Variants in RGS6 observed in about 807,000 individuals in gnomAD.
RGS6 encodes regulator of G protein signaling 6, also known as regulator of G-protein signaling 6.
In RGS6, 30 loss-of-function variants were observed where a neutral mutation model predicts 78.5. The observed-to-expected ratio is 0.38, with a 90% confidence interval of 0.29 to 0.52. RGS6 has a LOEUF of 0.52. RGS6 is among the 20% of genes least tolerant of loss of function. The pLI, the probability that RGS6 is intolerant of heterozygous loss-of-function variation, is 0.85. For missense variants in RGS6, 495 were observed against 609.7 expected, an observed-to-expected ratio of 0.81 and a Z score of 1.98; for synonymous variants, 206 against 206.0, an observed-to-expected ratio of 1.00 and a Z score of 0.00.
At chr14:72,444,129 T>C (rs548712090) in intron 3 of RGS6, among the ~76,000 whole-genome samples, 2 of 152,278 alleles carry the variant, frequency 1.3e-5, no homozygotes, top group African/African-American at 4.8e-5. Context: ...GACAATTAGA[T>C]ATAAGACTTG....
chr14:72,325,652 A>G lies in RGS6; in HGVS notation c.85-26443A>G, dbSNP rs187122064. Among the ~76,000 whole-genome samples, 67 of 152,176 alleles carry G rather than the reference A, an allele frequency of 4.4e-4. No individual in the cohort carries two copies. The East Asian group carries it at 9.8e-3, about 22-fold the overall frequency. ...TTATTTTTGTCAGTTTTGACAAAGG[A>G]CTATTCTTCTTAACATGTTAAAAAT... On this transcript the variant is annotated intron_variant, in intron 2 of 17. Coordinates refer to ENST00000553525, the MANE Select transcript of RGS6 (RefSeq NM_001204424.2).
intron 17 of RGS6, among the ~76,000 whole-genome samples, chr14:72,558,994 C>G (rs1226799411): frequency 6.6e-6 from 1 of 152,200 alleles, no homozygotes; most frequent in Non-Finnish European, 1.5e-5. Context: ...CCATTCCCAA[C>G]TGACCAACAC....
At chr14:72,286,798 C>T (rs1009961969) in intron 2 of RGS6, among the ~76,000 whole-genome samples, 2 of 151,936 alleles carry the variant, frequency 1.3e-5, no homozygotes, top group Non-Finnish European at 2.9e-5. Context: ...CTCCCCTCCC[C>T]TTCCCTCCCT....
chr14:72,339,041 T>A (rs1300947650), intron 2 of RGS6, among the ~76,000 whole-genome samples: 1 of 152,202 alleles, frequency 6.6e-6, no homozygotes, highest in African/African-American at 2.4e-5. Context: ...AAGTAGTTCA[T>A]GGATATTAGA....
chr14:72,084,586 A>G (rs2094950148), intron 2 of RGS6, among the ~76,000 whole-genome samples: 1 of 152,246 alleles, frequency 6.6e-6, no homozygotes, highest in South Asian at 2.1e-4. Context: ...GATAAAAAAT[A>G]GATCCCTTTC....
At chr14:72,547,893 A>C (rs1329469975) in intron 17 of RGS6, among the ~76,000 whole-genome samples, 3 of 152,196 alleles carry the variant, frequency 2.0e-5, no homozygotes, top group Non-Finnish European at 2.9e-5. Flanking sequence ...GGTCTGGCTT[A>C]CTGTTAAGAA....
chr14:72,260,428 T>C (rs916228013), intron 2 of RGS6, among the ~76,000 whole-genome samples: 1 of 151,998 alleles, frequency 6.6e-6, no homozygotes, highest in South Asian at 2.1e-4. Context: ...GGATATAGAG[T>C]GTTTAATAAA....
Position 71,935,187 on chromosome 14 carries a change from C to T in RGS6, c.-21+2246C>T, listed in dbSNP as rs113666284. ...GAAATAGAATTACAAAATCAACTTT[C>T]GTGTTGAGTGATATGGATATAATAT... On this transcript the variant is annotated intron_variant, in intron 1 of 17. Coordinates refer to ENST00000553525, the MANE Select transcript of RGS6 (RefSeq NM_001204424.2). Among the ~76,000 whole-genome samples, 359 of 152,220 alleles carry T rather than the reference C, an allele frequency of 2.4e-3. 4 individuals carry two copies. Among genetic ancestry groups the T allele is most frequent in the African/African-American group, 8.0e-3 (334 of 41,530 alleles).
chr14:72,257,562 G>T (rs2057330175), intron 2 of RGS6, among the ~76,000 whole-genome samples: 1 of 152,154 alleles, frequency 6.6e-6, no homozygotes, highest in South Asian at 2.1e-4. Context: ...CTATTTATGT[G>T]ATGTGTTCAC....
chr14:72,459,613 C>T lies in RGS6; in HGVS notation c.343-19C>T, dbSNP rs1374098166. ...GGCATGGCGCGCCCCTGAGCACTAA[C>T]ACCCATGCTCCTTTGCAGGCTCCGT... On this transcript the variant is annotated intron_variant, in intron 5 of 17. Coordinates refer to ENST00000553525, the MANE Select transcript of RGS6 (RefSeq NM_001204424.2). 3 of 1,613,844 alleles carry T rather than the reference C, an allele frequency of 1.9e-6. No individual in the cohort carries two copies. The highest frequency in any genetic ancestry group is 8.5e-7 in the Non-Finnish European group (1 of 1,179,872).
chr14:72,344,814 A>G lies in RGS6; in HGVS notation c.85-7281A>G, dbSNP rs542320305. Among the ~76,000 whole-genome samples the G allele has an allele frequency of 2.0e-5, 3 of 152,266 alleles. No homozygotes were observed. In the South Asian group the frequency reaches 6.2e-4, roughly 32 times the overall value. On this transcript the variant is annotated intron_variant, in intron 2 of 17. Transcript: ENST00000553525. ...GGACAGATTTTAGGTAGGGGAGTTA[A>G]ATGGTCATATTTTCCCTTTTAAGAG...
At chr14:72,342,286 C>T (rs2152684977) in intron 2 of RGS6, among the ~76,000 whole-genome samples, 1 of 152,214 alleles carries the variant, frequency 6.6e-6, no homozygotes, top group African/African-American at 2.4e-5. Context: ...CTCCCAGAGG[C>T]CAGGTGTGGT....
intron 13 of RGS6, among the ~76,000 whole-genome samples, chr14:72,509,297 A>G (rs1338199147): frequency 6.6e-6 from 1 of 150,920 alleles, no homozygotes; most frequent in Admixed American, 6.6e-5. Flanking sequence ...CCCGGCGGGC[A>G]GAGGTTGCAG....
chr14:72,440,354 C>A (rs936316766), intron 3 of RGS6, among the ~76,000 whole-genome samples: 1 of 151,898 alleles, frequency 6.6e-6, no homozygotes, highest in African/African-American at 2.4e-5. Flanking sequence ...AAGATTATTT[C>A]TAGCAAATGG....
intron 2 of RGS6, among the ~76,000 whole-genome samples, chr14:72,116,375 C>G (rs1043788847): frequency 6.6e-6 from 1 of 152,062 alleles, no homozygotes; most frequent in East Asian, 1.9e-4. Context: ...ACATTGTTTT[C>G]CAGGTTTTCT....
chr14:72,460,961 G>T (rs2095762696), intron 6 of RGS6, among the ~76,000 whole-genome samples: 1 of 152,058 alleles, frequency 6.6e-6, no homozygotes, highest in African/African-American at 2.4e-5. Flanking sequence ...CCATGGTCAA[G>T]TGTGGAGGAC....
intron 8 of RGS6, among the ~76,000 whole-genome samples, 170 bp from the exon 9 acceptor site, chr14:72,472,702 G>A (rs1157618603): frequency 2.6e-5 from 4 of 152,094 alleles, no homozygotes; most frequent in Non-Finnish European, 4.4e-5. Flanking sequence ...TTTTCGGGGG[G>A]GGAATTATAC....
chr14:71,921,828 A>T, the RGS6 span, among the ~76,000 whole-genome samples: 1 of 152,204 alleles, frequency 6.6e-6, no homozygotes. Flanking sequence ...AGGGACTACA[A>T]AAGCGATTTT....
At chr14:72,017,715 A>T (rs2087359763) in intron 2 of RGS6, among the ~76,000 whole-genome samples, 2 of 152,070 alleles carry the variant, frequency 1.3e-5, no homozygotes, top group African/African-American at 4.8e-5. Flanking sequence ...ACCAAGAATA[A>T]GTGCTGCTTC....
Sources: allele counts gnomAD v4.1 joint callset (sites outside exome capture counted in the v4.1 genomes callset), GRCh38; gene constraint gnomAD v4.1.1; transcripts MANE v1.5; gene names NCBI Gene and HGNC (gene_info 2026-07-23, HGNC 2026-07-21).